Variants in ACVR2B observed in about 807,000 individuals in gnomAD.
ACVR2B encodes the protein activin A receptor type 2B.
ACVR2B carries 18 observed loss-of-function variants against 65.1 expected under a neutral mutation model. The observed-to-expected ratio is 0.28, with a 90% CI of 0.19 to 0.41. ACVR2B has a LOEUF of 0.41. Among genes scored for constraint, ACVR2B ranks in the 10% least tolerant of loss-of-function variants. The pLI is 1.00. For missense variants in ACVR2B, 482 were observed against 682.7 expected (o/e 0.71, Z 3.28); for synonymous variants, 298 against 277.7 (o/e 1.07, Z -0.73).
rs932091063 is a variant in ACVR2B, at chr3:38,485,121, G to C, written c.*1789G>C. The C allele has an allele frequency of 1.3e-5, 2 of 152,200 alleles. No individual in the cohort carries two copies. Among genetic ancestry groups the C allele is most frequent in the East Asian group, 1.9e-4 (1 of 5,198 alleles). 9.4% of individuals were successfully genotyped at this position (152,200 alleles called of 1,614,324 possible). A position where few individuals can be genotyped will look rare whatever the true frequency, so the allele number is the denominator to read the frequency against. On this transcript the variant is annotated 3_prime_UTR_variant, in exon 11 of 11. Transcript: ENST00000352511. ...TCATCGTGAGGGTAGGCAAGGCGGG[G>C]GCCGTGGGGAGAGGTTGACCTGGGT... is the stretch of plus-strand genomic sequence containing the variant.
Position 38,487,764 on chromosome 3 carries a change from A to T in ACVR2B, c.*4432A>T, listed in dbSNP as rs564908857. On this transcript the variant is annotated 3_prime_UTR_variant, in exon 11 of 11. Transcript: ENST00000352511. ...TGGTTTTTAAAATAATACAGTAAGC[A>T]TAAGTATGTAAGTTTTTAGAATTGG... 6.6e-6 allele frequency: 1 copy of T among 152,256 alleles called. No homozygotes were observed. Among genetic ancestry groups the T allele is most frequent in the Non-Finnish European group, 1.5e-5 (1 of 68,046 alleles). The allele number at this position is 152,256 out of a possible 1,614,324, so 9.4% of individuals were successfully genotyped here.
chr3:38,478,214 C>T lies in ACVR2B; in HGVS notation c.444C>T (p.Gly148=). 6.2e-7 allele frequency: 1 copy of T among 1,614,108 alleles called. No homozygotes were observed. Among genetic ancestry groups the T allele is most frequent in the Non-Finnish European group, 8.5e-7 (1 of 1,180,014 alleles). ...VLAYSLLPIG[G]LSLIVLLAFW... ...CCTACTCACTGCTGCCCATCGGGGG[C>T]CTTTCCCTCATCGTCCTGCTGGCCT... is the stretch of plus-strand genomic sequence containing the variant. Residue 148 remains glycine (G), a synonymous_variant, in exon 4 of 11, where the codon GGC becomes GGT. Transcript: ENST00000352511.
At position 38,486,810 on chromosome 3, in the gene ACVR2B, A is replaced by G. The variant is rs976938312; in HGVS notation, c.*3478A>G. 6.6e-6 allele frequency: 1 copy of G among 152,274 alleles called. No individual in the cohort carries two copies. Among genetic ancestry groups the G allele is most frequent in the Non-Finnish European group, 1.5e-5 (1 of 68,120 alleles). The allele number at this position is 152,274 out of a possible 1,614,324, so 9.4% of individuals were successfully genotyped here. A position where few individuals can be genotyped will look rare whatever the true frequency, so the allele number is the denominator to read the frequency against. On this transcript the variant is annotated 3_prime_UTR_variant, in exon 11 of 11. Coordinates refer to ENST00000352511, the MANE Select transcript of ACVR2B (RefSeq NM_001106.4). Reference sequence around the variant, plus strand: ...AAGCATCTATGATAACTGAGAAGTCATCCCTAGTTGGAGAAATCCAGTAAT... The same window carrying G: ...AAGCATCTATGATAACTGAGAAGTCGTCCCTAGTTGGAGAAATCCAGTAAT...
At chr3:38,480,115 C>T (rs1345737102) in intron 7 of ACVR2B, among the ~76,000 whole-genome samples, 1 of 152,114 alleles carries the variant, frequency 6.6e-6, no homozygotes, top group Non-Finnish European at 1.5e-5. Context: ...TTTAGGATCC[C>T]TTTATACTCT....
rs935232798 is a variant in ACVR2B at position 38,487,771 on chromosome 3, T to C, written c.*4439T>C. 1.3e-5 allele frequency: 2 copies of C among 152,270 alleles called. No individual in the cohort carries two copies. Among genetic ancestry groups the C allele is most frequent in the Non-Finnish European group, 2.9e-5 (2 of 68,054 alleles). 9.4% of individuals were successfully genotyped at this position (152,270 alleles called of 1,614,324 possible). On this transcript the variant is annotated 3_prime_UTR_variant, in exon 11 of 11. Transcript: ENST00000352511. Reference sequence around the variant, plus strand: ...TAAAATAATACAGTAAGCATAAGTATGTAAGTTTTTAGAATTGGTACTAGA... The same window carrying C: ...TAAAATAATACAGTAAGCATAAGTACGTAAGTTTTTAGAATTGGTACTAGA...
intron 1 of ACVR2B, among the ~76,000 whole-genome samples, chr3:38,472,492 G>C (rs561319231): frequency 5.6e-4 from 86 of 152,246 alleles, no homozygotes; most frequent in African/African-American, 2.0e-3. Flanking sequence ...GCCTCAGTGT[G>C]CTGGCAGAAG....
chr3:38,454,756 T>C (rs1341088314), intron 1 of ACVR2B: 1 of 178,468 alleles, frequency 5.6e-6, no homozygotes, highest in African/African-American at 2.4e-5. Context: ...GGCAGGATTG[T>C]AGGTGCAGCA....
At chr3:38,469,369 T>C (rs1488839261) in intron 1 of ACVR2B, among the ~76,000 whole-genome samples, 2 of 152,096 alleles carry the variant, frequency 1.3e-5, no homozygotes, top group East Asian at 3.8e-4. Flanking sequence ...GTGTGGACAA[T>C]AGGAGAGAAG....
At chr3:38,472,013 A>G (rs1045852639) in intron 1 of ACVR2B, among the ~76,000 whole-genome samples, 1 of 152,216 alleles carries the variant, frequency 6.6e-6, no homozygotes, top group Non-Finnish European at 1.5e-5. Flanking sequence ...AAATGCAAAG[A>G]CACAATGTTG....
intron 1 of ACVR2B, among the ~76,000 whole-genome samples, chr3:38,457,172 G>A (rs1709563972): frequency 6.6e-6 from 1 of 151,928 alleles, no homozygotes; most frequent in African/African-American, 2.4e-5. Context: ...TCACTGCACT[G>A]CAGCCTGGTG....
chr3:38,468,880 T>A (rs188706739), intron 1 of ACVR2B, among the ~76,000 whole-genome samples: 51 of 152,298 alleles, frequency 3.3e-4, no homozygotes, highest in Non-Finnish European at 5.7e-4. Flanking sequence ...AAAGGAAATG[T>A]TTGTGTATAA....
chr3:38,481,558 G>A lies in ACVR2B; in HGVS notation c.1074+93G>A. ...CAGCTGGGGAGGTGCAGGGATGAGG[G>A]TGACTGCATGCGTTCAGAGCTGTCT... is the stretch of plus-strand genomic sequence containing the variant. On this transcript the variant is annotated intron_variant, in intron 8 of 10. Coordinates refer to ENST00000352511, the MANE Select transcript of ACVR2B (RefSeq NM_001106.4). This position sits in a 1 kb window ranked among gnomAD's most constrained non-coding sequence, Gnocchi z 4.7. 1.0e-6 allele frequency: 1 copy of A among 970,272 alleles called. No homozygotes were observed. Among genetic ancestry groups the A allele is most frequent in the Admixed American group, 1.8e-5 (1 of 56,224 alleles). 60.1% of individuals were successfully genotyped at this position (970,272 alleles called of 1,614,324 possible).
intron 1 of ACVR2B, among the ~76,000 whole-genome samples, chr3:38,460,789 G>T (rs1559645968): frequency 1.3e-5 from 2 of 152,346 alleles, no homozygotes; most frequent in East Asian, 3.9e-4. Context: ...GAGCTGAGGT[G>T]TTTTGTGAGG....
At chr3:38,475,701 G>A (rs1304211455) in intron 1 of ACVR2B, 3 of 152,508 alleles carry the variant, frequency 2.0e-5, no homozygotes, top group Non-Finnish European at 4.4e-5. Context: ...CAGTAGGGGT[G>A]GAGATGAGCG....
chr3:38,480,338 T>C (rs1164592487), intron 7 of ACVR2B, among the ~76,000 whole-genome samples: 3 of 152,208 alleles, frequency 2.0e-5, no homozygotes, highest in Non-Finnish European at 2.9e-5. Context: ...AGAGATCTTC[T>C]GGGGTCCTCG....
chr3:38,474,418 G>A (rs894784407), intron 1 of ACVR2B: 1 of 152,424 alleles, frequency 6.6e-6, no homozygotes, highest in Non-Finnish European at 1.5e-5. Context: ...GCAGGCTGAG[G>A]CCATCCTTGT....
At position 38,492,782 on chromosome 3, in the gene ACVR2B, ACACACACACACACACACACACATACACCT is replaced by A. The variant is rs2059821747; in HGVS notation, c.*9451_*9479del. 1.7e-5 allele frequency: 1 copy of A among 60,592 alleles called. No homozygotes were observed. Among genetic ancestry groups the A allele is most frequent in the Non-Finnish European group, 4.1e-5 (1 of 24,198 alleles). The allele number at this position is 60,592 out of a possible 1,614,324, so 3.8% of individuals were successfully genotyped here. A position where few individuals can be genotyped will look rare whatever the true frequency, so the allele number is the denominator to read the frequency against. On this transcript the variant is annotated 3_prime_UTR_variant, in exon 11 of 11. Coordinates refer to ENST00000352511, the MANE Select transcript of ACVR2B (RefSeq NM_001106.4). ...CACACACACACACACACACACACAC[ACACACACACACACACACACACATACACCT>A]AAAATGGCCTAAAGCAGACATCCAT...
chr3:38,479,581 C>G, intron 6 of ACVR2B, 97 bp from the exon 7 acceptor site: 1 of 1,433,562 alleles, frequency 7.0e-7, no homozygotes, highest in South Asian at 1.2e-5. Context: ...GGAGAGCAGC[C>G]TAGCCATTGG....
At chr3:38,460,515 G>T (rs1439343470) in intron 1 of ACVR2B, among the ~76,000 whole-genome samples, 1 of 152,218 alleles carries the variant, frequency 6.6e-6, no homozygotes. Context: ...ACCAATAATG[G>T]CTTCCCGCCT....
Sources: gnomAD v4.1 joint callset for allele counts (sites outside exome capture counted in the v4.1 genomes callset) on GRCh38, gnomAD v4.1.1 for gene constraint, Gnocchi (gnomAD v3.1) non-coding constraint, MANE v1.5 for transcripts, NCBI Gene and HGNC (gene_info 2026-07-23, HGNC 2026-07-21) for gene names.